Variants in DCBLD2 observed in about 807,000 individuals in gnomAD.
DCBLD2 encodes the protein discoidin, CUB and LCCL domain-containing protein 2.
A neutral mutation model predicts 86.8 loss-of-function variants in DCBLD2; 54 were observed. The ratio of observed to expected loss-of-function variants is 0.62; its 90% CI spans 0.50 to 0.78. DCBLD2 has a LOEUF of 0.78. Among genes scored for constraint, DCBLD2 ranks in the 30% least tolerant of loss-of-function variants. The pLI, the probability that DCBLD2 is intolerant of heterozygous loss-of-function variation, is 0.00. For synonymous variants in DCBLD2, 354 were observed against 341.3 expected (o/e 1.04, Z -0.41); for missense variants, 908 against 954.2 (o/e 0.95, Z 0.64).
chr3:98,895,110 A>G (rs772130977), intron 1 of DCBLD2: 1 of 152,180 alleles, frequency 6.6e-6, no homozygotes, highest in Non-Finnish European at 1.5e-5. Context: ...GCATGAAATT[A>G]TATCTTAGAA....
chr3:98,883,435 T>A (rs1473024001), intron 1 of DCBLD2, among the ~76,000 whole-genome samples: 2 of 152,192 alleles, frequency 1.3e-5, no homozygotes, highest in Non-Finnish European at 1.5e-5. Flanking sequence ...TTTGAAAAAA[T>A]GACCTTTATA....
intron 2 of DCBLD2, among the ~76,000 whole-genome samples, chr3:98,860,721 G>A (rs557375614): frequency 6.6e-6 from 1 of 152,158 alleles, no homozygotes; most frequent in Non-Finnish European, 1.5e-5. Context: ...GCTCCTAAAG[G>A]AAGCACTAAA....
intron 2 of DCBLD2, among the ~76,000 whole-genome samples, chr3:98,867,839 G>A: frequency 6.7e-6 from 1 of 149,430 alleles, no homozygotes; most frequent in Non-Finnish European, 1.5e-5. Context: ...GTCTCGCTCT[G>A]TCACCCAGGC....
chr3:98,807,517 T>C (rs887651958), intron 13 of DCBLD2, among the ~76,000 whole-genome samples: 1 of 152,198 alleles, frequency 6.6e-6, no homozygotes, highest in African/African-American at 2.4e-5. Context: ...TGCAGTGTTT[T>C]GATCTTGGAC....
chr3:98,826,906 G>A (rs371531140), intron 3 of DCBLD2, among the ~76,000 whole-genome samples: 2 of 152,084 alleles, frequency 1.3e-5, no homozygotes, highest in Non-Finnish European at 2.9e-5. Context: ...ATAGCTCCTA[G>A]CACACTGAAC....
At chr3:98,863,431 C>G (rs945406144) in intron 2 of DCBLD2, among the ~76,000 whole-genome samples, 2 of 152,100 alleles carry the variant, frequency 1.3e-5, no homozygotes, top group East Asian at 1.9e-4. Context: ...AAGAACAAAG[C>G]GGGAGGCATC....
chr3:98,805,078 T>C (rs1012722195), intron 13 of DCBLD2: 2 of 152,370 alleles, frequency 1.3e-5, no homozygotes, highest in African/African-American at 4.8e-5. Flanking sequence ...GCTGCCGAAG[T>C]GAGCACCACA....
rs185802631 is a variant in DCBLD2, at chr3:98,843,304, T to C, written c.571+6157A>G. On this transcript the variant is annotated intron_variant, in intron 3 of 15. Transcript: ENST00000326840. Reference sequence around the variant, plus strand: ...ATTAATAAAATCTTACTAAGTTTAATAGTATCAGAGTTTTAAAATGTTTGC... The same window carrying C: ...ATTAATAAAATCTTACTAAGTTTAACAGTATCAGAGTTTTAAAATGTTTGC... Among the ~76,000 whole-genome samples, 11 of 152,304 alleles carry C rather than the reference T, an allele frequency of 7.2e-5. 1 individual carries two copies. The highest frequency in any genetic ancestry group is 2.6e-4 in the African/African-American group (11 of 41,586).
chr3:98,867,338 A>G (rs545668567), intron 2 of DCBLD2, among the ~76,000 whole-genome samples: 1 of 152,312 alleles, frequency 6.6e-6, no homozygotes, highest in East Asian at 1.9e-4. Flanking sequence ...CCTATCCATG[A>G]GCATGGAATG....
chr3:98,861,539 G>C (rs933935545), intron 2 of DCBLD2, among the ~76,000 whole-genome samples: 1 of 152,204 alleles, frequency 6.6e-6, no homozygotes, highest in African/African-American at 2.4e-5. Flanking sequence ...TCAGACCACA[G>C]TGCAATCAAA....
intron 3 of DCBLD2, among the ~76,000 whole-genome samples, chr3:98,831,578 G>C (rs1191893555): frequency 6.6e-6 from 1 of 152,104 alleles, no homozygotes; most frequent in Non-Finnish European, 1.5e-5. Flanking sequence ...ACTTTTTGAT[G>C]TGGGCATTTA....
intron 2 of DCBLD2, 88 bp from the exon 3 acceptor site, chr3:98,849,686 T>C (rs1280982609): frequency 1.5e-5 from 21 of 1,407,460 alleles, no homozygotes; most frequent in African/African-American, 5.7e-5. Flanking sequence ...CAGAATAATA[T>C]ACCAAGCTGG....
intron 2 of DCBLD2, among the ~76,000 whole-genome samples, chr3:98,857,140 C>G (rs1005364375): frequency 1.3e-5 from 2 of 152,082 alleles, no homozygotes; most frequent in Non-Finnish European, 2.9e-5. Context: ...AGCTGCAGAC[C>G]TTCGTGGTGA....
At position 98,867,011 on chromosome 3, in the gene DCBLD2, G is replaced by A. The variant is rs1943159894; in HGVS notation, c.433+14529C>T. On this transcript the variant is annotated intron_variant, in intron 2 of 15. Transcript: ENST00000326840. ...TTGTCAGGTTTGTCAAAGATCAGAT[G>A]GTTGTAGATGTGTGGTATTATTTCT... is the stretch of plus-strand genomic sequence containing the variant. Among the ~76,000 whole-genome samples, 4 of 152,136 alleles carry A rather than the reference G, an allele frequency of 2.6e-5. No homozygotes were observed. In the South Asian group the frequency reaches 8.3e-4, roughly 32 times the overall value.
intron 9 of DCBLD2, among the ~76,000 whole-genome samples, chr3:98,816,577 TAGAAG>T (rs1218079116): frequency 6.6e-6 from 1 of 151,952 alleles, no homozygotes; most frequent in Non-Finnish European, 1.5e-5. Context: ...TGACGCCAAG[TAGAAG>T]AGAAGAAAGA....
At chr3:98,833,102 A>G (rs1942353051) in intron 3 of DCBLD2, among the ~76,000 whole-genome samples, 1 of 151,896 alleles carries the variant, frequency 6.6e-6, no homozygotes, top group African/African-American at 2.4e-5. Flanking sequence ...ATAATCCCTT[A>G]TTTCTTAGAG....
At position 98,861,639 on chromosome 3, in the gene DCBLD2, C is replaced by T. The variant is rs1309314328; in HGVS notation, c.434-12041G>A. Among the ~76,000 whole-genome samples, 9 of 152,150 alleles carry T rather than the reference C, an allele frequency of 5.9e-5. No individual in the cohort carries two copies. In the South Asian group the frequency reaches 8.3e-4, roughly 14 times the overall value. On this transcript the variant is annotated intron_variant, in intron 2 of 15. Transcript: ENST00000326840. ...TCCTGAATGACTACTGGGTACATAA[C>T]GAAATGAAGGCAGAAATAAATATGT...
At chr3:98,838,082 G>A (rs1942513336) in intron 3 of DCBLD2, among the ~76,000 whole-genome samples, 1 of 138,364 alleles carries the variant, frequency 7.2e-6, no homozygotes, top group Non-Finnish European at 1.6e-5. Flanking sequence ...GGCACGGCTG[G>A]CCAGGCCGGG....
At chr3:98,840,996 CTT>C (rs955627294) in intron 3 of DCBLD2, among the ~76,000 whole-genome samples, 4 of 152,210 alleles carry the variant, frequency 2.6e-5, no homozygotes, top group African/African-American at 9.6e-5. Flanking sequence ...GGCATTCCCT[CTT>C]TTTCTGTATA....
Sources: allele counts gnomAD v4.1 joint callset (sites outside exome capture counted in the v4.1 genomes callset), GRCh38; gene constraint gnomAD v4.1.1; transcripts MANE v1.5; gene names NCBI Gene and HGNC (gene_info 2026-07-23, HGNC 2026-07-21).